The following AOAH variants were observed in gnomAD, a reference collection of about 807,000 sequenced individuals.
The protein encoded by AOAH is acyloxyacyl hydrolase, also known as acyloxyacyl hydrolase (neutrophil).
In AOAH, 64 loss-of-function variants were observed where a neutral mutation model predicts 92.2. That is an observed-to-expected ratio of 0.69 (90% CI 0.57 to 0.86). The LOEUF (loss-of-function observed/expected upper bound fraction) is 0.86, where lower values mean the gene tolerates loss of function less well. Among genes scored for constraint, AOAH ranks in the 40% least tolerant of loss-of-function variants. The probability of loss-of-function intolerance (pLI) is 0.00; values close to 1 mark genes in which losing one functional copy is unlikely to be tolerated. For synonymous variants in AOAH, 263 were observed against 254.5 expected (o/e 1.03, Z -0.32); for missense variants, 656 against 694.6 (o/e 0.94, Z 0.62).
intron 7 of AOAH, 29 bp from the exon 8 acceptor site, chr7:36,621,809 G>C (rs770239435): frequency 5.0e-6 from 8 of 1,606,742 alleles, no homozygotes; most frequent in Non-Finnish European, 6.0e-6. Context: ...CACAGGAGGG[G>C]TTCAGCCTGC....
At position 36,517,262 on chromosome 7, in the gene AOAH, C is replaced by CTCTTTCTTTCTTTCTT. The variant is rs142858220; in HGVS notation, c.1600-3898_1600-3883dup. Among the ~76,000 whole-genome samples, 652 of 132,688 alleles carry CTCTTTCTTTCTTTCTT rather than the reference C, an allele frequency of 4.9e-3. 42 individuals are homozygous for CTCTTTCTTTCTTTCTT. The highest frequency in any genetic ancestry group is 0.019 in the African/African-American group (609 of 31,946). 87.0% of individuals were successfully genotyped at this position (132,688 alleles called of 152,430 possible). On this transcript the variant is annotated intron_variant, in intron 20 of 20. Transcript: ENST00000617537. ...TCTCTCTCTTTCTTTCTGTGTCTCT[C>CTCTTTCTTTCTTTCTT]TCTTTCTTTCTTTCTTTCTTTCTTT...
intron 15 of AOAH, among the ~76,000 whole-genome samples, chr7:36,541,813 C>T (rs1169590379): frequency 2.6e-5 from 4 of 152,176 alleles, no homozygotes; most frequent in Admixed American, 6.5e-5. Flanking sequence ...GACTTTTGCA[C>T]ACACCTTCAG....
chr7:36,575,660 T>G (rs1009260284), intron 13 of AOAH, among the ~76,000 whole-genome samples: 1 of 152,220 alleles, frequency 6.6e-6, no homozygotes. Flanking sequence ...TGGCAGCAAT[T>G]ATTTTATTAG....
At chr7:36,577,400 G>T (rs1291756746) in intron 12 of AOAH, among the ~76,000 whole-genome samples, 1 of 152,208 alleles carries the variant, frequency 6.6e-6, no homozygotes, top group East Asian at 1.9e-4. Flanking sequence ...TGAGAAGGCA[G>T]AGGGGTGAGC....
chr7:36,691,409 GAGCATGGC>G (rs1797389432), intron 1 of AOAH, among the ~76,000 whole-genome samples: 1 of 152,300 alleles, frequency 6.6e-6, no homozygotes, highest in Admixed American at 6.5e-5. Flanking sequence ...GTTACTCAGA[GAGCATGGC>G]ACACAACGCC....
At chr7:36,685,819 T>C (rs142352806) in intron 2 of AOAH, among the ~76,000 whole-genome samples, 1 of 152,318 alleles carries the variant, frequency 6.6e-6, no homozygotes, top group Non-Finnish European at 1.5e-5. Flanking sequence ...TTGTGTATTA[T>C]CCTCTCCCAG....
chr7:36,525,936 C>T (rs1784375186), intron 19 of AOAH, among the ~76,000 whole-genome samples: 2 of 152,082 alleles, frequency 1.3e-5, no homozygotes, highest in Admixed American at 1.3e-4. Context: ...AGAAAAAGCA[C>T]AAAGAAAGAG....
In AOAH at chr7:36,683,878, C is replaced by T. The variant is rs140186972; in HGVS notation, c.223+2821G>A. ...GTGCGGTGGTGGGCTCCAGTAATCCCAGCTACTCAGGAGGCTGAGGCAGGA... is the reference window on the plus strand; with the variant it reads ...GTGCGGTGGTGGGCTCCAGTAATCCTAGCTACTCAGGAGGCTGAGGCAGGA... On this transcript the variant is annotated intron_variant, in intron 2 of 20. Coordinates refer to ENST00000617537, the MANE Select transcript of AOAH (RefSeq NM_001637.4). Among the ~76,000 whole-genome samples the T allele has an allele frequency of 6.0e-3, 907 of 152,082 alleles. 8 individuals carry two copies. The highest frequency in any genetic ancestry group is 0.021 in the African/African-American group (879 of 41,460).
At chr7:36,687,816 A>G (rs1797133042) in intron 1 of AOAH, among the ~76,000 whole-genome samples, 1 of 152,234 alleles carries the variant, frequency 6.6e-6, no homozygotes, top group African/African-American at 2.4e-5. Context: ...CCAAATTCCC[A>G]GCAGGATTCC....
intron 13 of AOAH, among the ~76,000 whole-genome samples, chr7:36,554,582 C>T (rs1786544245): frequency 2.6e-5 from 4 of 152,186 alleles, no homozygotes; most frequent in Admixed American, 2.6e-4. Context: ...GGCAGTATGG[C>T]CATTTTCACA....
At chr7:36,624,503 G>A (rs1792494954) in intron 6 of AOAH, among the ~76,000 whole-genome samples, 1 of 152,190 alleles carries the variant, frequency 6.6e-6, no homozygotes. Context: ...GCACTGTGCT[G>A]GTTATATTAG....
chr7:36,537,551 T>G (rs1785156276), intron 16 of AOAH, among the ~76,000 whole-genome samples: 1 of 144,178 alleles, frequency 6.9e-6, no homozygotes, highest in South Asian at 2.2e-4. Flanking sequence ...TGAGTTTCAC[T>G]CTTGTTGCCC....
chr7:36,580,868 A>C (rs1035437390), intron 12 of AOAH, among the ~76,000 whole-genome samples: 1 of 152,168 alleles, frequency 6.6e-6, no homozygotes. Flanking sequence ...GTCTGCAGCC[A>C]GGAGAGTACA....
intron 1 of AOAH, among the ~76,000 whole-genome samples, chr7:36,706,384 C>T (rs1410849440): frequency 6.6e-6 from 1 of 152,104 alleles, no homozygotes; most frequent in African/African-American, 2.4e-5. Flanking sequence ...TCAAAATATA[C>T]AGTAAACCAT....
At chr7:36,537,251 T>TTC (rs1554281602) in intron 16 of AOAH, among the ~76,000 whole-genome samples, 8 of 151,522 alleles carry the variant, frequency 5.3e-5, no homozygotes, top group South Asian at 2.1e-4. Flanking sequence ...TTTTTTTTTT[T>TTC]CCAAAACTAC....
Position 36,721,180 on chromosome 7 carries a change from G to A in AOAH, c.127+2842C>T, listed in dbSNP as rs138852006. Among the ~76,000 whole-genome samples the A allele has an allele frequency of 3.2e-4, 49 of 152,210 alleles. No individual in the cohort carries two copies. In the East Asian group the frequency reaches 5.2e-3, roughly 16 times the overall value. On this transcript the variant is annotated intron_variant, in intron 1 of 20. Coordinates refer to ENST00000617537, the MANE Select transcript of AOAH (RefSeq NM_001637.4). ...CCTTGCCAGAACTGTCTCCACCAACGGGAGATGTCTCAAAATTACAGCCCT... is the reference window on the plus strand; with the variant it reads ...CCTTGCCAGAACTGTCTCCACCAACAGGAGATGTCTCAAAATTACAGCCCT...
Position 36,616,366 on chromosome 7 carries a change from C to G in AOAH, c.846+14G>C, listed in dbSNP as rs2115972614. On this transcript the variant is annotated intron_variant, in intron 11 of 20. Transcript: ENST00000617537. ...GCCAGCACATCTGGAATGATTACTG[C>G]CAAAATTACTTACCAAAGACATCTG... 1.2e-6 allele frequency: 2 copies of G among 1,607,138 alleles called. No individual in the cohort carries two copies. Among genetic ancestry groups the G allele is most frequent in the East Asian group, 4.5e-5 (2 of 44,842 alleles).
intron 13 of AOAH, among the ~76,000 whole-genome samples, chr7:36,554,071 T>C (rs1432510016): frequency 2.0e-5 from 3 of 152,262 alleles, no homozygotes; most frequent in South Asian, 4.1e-4. Flanking sequence ...GCCTATGTCA[T>C]GAATGGTAAT....
At chr7:36,577,855 A>G (rs1205930006) in intron 12 of AOAH, among the ~76,000 whole-genome samples, 1 of 152,204 alleles carries the variant, frequency 6.6e-6, no homozygotes, top group Non-Finnish European at 1.5e-5. Context: ...TTTCATTATA[A>G]TAAGTTCACA....
Sources: allele counts gnomAD v4.1 joint callset (sites outside exome capture counted in the v4.1 genomes callset), GRCh38; gene constraint gnomAD v4.1.1; transcripts MANE v1.5; gene names NCBI Gene and HGNC (gene_info 2026-07-23, HGNC 2026-07-21).